The following NMNAT2 variants were observed in gnomAD, a reference collection of about 807,000 sequenced individuals.
NMNAT2 encodes nicotinamide/nicotinic acid mononucleotide adenylyltransferase 2.
NMNAT2 carries 11 observed loss-of-function variants against 41.6 expected under a neutral mutation model. The observed-to-expected ratio is 0.26, with a 90% confidence interval of 0.17 to 0.44. The LOEUF (loss-of-function observed/expected upper bound fraction) is 0.44. Among genes scored for constraint, NMNAT2 ranks in the 20% least tolerant of loss-of-function variants. The pLI is 1.00. For synonymous variants in NMNAT2, 148 were observed against 151.2 expected (o/e 0.98, Z 0.16); for missense variants, 288 against 407.7 (o/e 0.71, Z 2.53).
chr1:183,324,241 G>A (rs1447455919), intron 1 of NMNAT2, among the ~76,000 whole-genome samples: 1 of 152,186 alleles, frequency 6.6e-6, no homozygotes, highest in East Asian at 1.9e-4. Context: ...GGAATTTTGA[G>A]CACATCCGGA....
chr1:183,353,725 G>C (rs1298280834), intron 1 of NMNAT2, among the ~76,000 whole-genome samples: 1 of 152,152 alleles, frequency 6.6e-6, no homozygotes, highest in Non-Finnish European at 1.5e-5. Context: ...CGTATTGCTG[G>C]ATTGCTGGTC....
chr1:183,281,278 C>G (rs1449035318), intron 7 of NMNAT2, among the ~76,000 whole-genome samples: 1 of 152,064 alleles, frequency 6.6e-6, no homozygotes, highest in Non-Finnish European at 1.5e-5. Flanking sequence ...TGGGCAATGT[C>G]TGGACATTTT....
intron 8 of NMNAT2, among the ~76,000 whole-genome samples, chr1:183,271,751 A>C (rs549034058): frequency 6.6e-6 from 1 of 151,440 alleles, no homozygotes; most frequent in Non-Finnish European, 1.5e-5. Flanking sequence ...AATCAGAATT[A>C]TTTTTTTCTT....
intron 1 of NMNAT2, among the ~76,000 whole-genome samples, chr1:183,360,344 C>A (rs1399161185): frequency 3.3e-5 from 5 of 152,148 alleles, no homozygotes; most frequent in South Asian, 4.1e-4. Context: ...CCTACCTACA[C>A]CCCCGAGGGT....
chr1:183,330,413 C>T (rs1662556738), intron 1 of NMNAT2, among the ~76,000 whole-genome samples: 1 of 152,200 alleles, frequency 6.6e-6, no homozygotes, highest in African/African-American at 2.4e-5. Context: ...GACTGTGTTA[C>T]AAAAGCAGCC....
At chr1:183,299,896 C>T (rs1382709429) in intron 1 of NMNAT2, among the ~76,000 whole-genome samples, 1 of 152,152 alleles carries the variant, frequency 6.6e-6, no homozygotes, top group Non-Finnish European at 1.5e-5. Context: ...CGATATTCTA[C>T]TATAGTTATA....
chr1:183,409,881 C>T (rs1474904086), intron 1 of NMNAT2, among the ~76,000 whole-genome samples: 8 of 152,172 alleles, frequency 5.3e-5, no homozygotes, highest in Non-Finnish European at 7.3e-5. Flanking sequence ...TAGGCAAGAA[C>T]AACCTATCAG....
chr1:183,347,330 C>T (rs909022802), intron 1 of NMNAT2, among the ~76,000 whole-genome samples: 1 of 152,060 alleles, frequency 6.6e-6, no homozygotes, highest in Non-Finnish European at 1.5e-5. Context: ...GTGGTGCATG[C>T]CTGTAGTCCC....
At chr1:183,412,858 T>C (rs1053972427) in intron 1 of NMNAT2, among the ~76,000 whole-genome samples, 7 of 152,196 alleles carry the variant, frequency 4.6e-5, no homozygotes, top group Non-Finnish European at 8.8e-5. Flanking sequence ...TGGTAAATAT[T>C]AAATGAGGTC....
intron 1 of NMNAT2, among the ~76,000 whole-genome samples, chr1:183,407,711 A>G (rs1444016176): frequency 6.6e-6 from 1 of 152,228 alleles, no homozygotes; most frequent in Non-Finnish European, 1.5e-5. Flanking sequence ...AAGTGCTATC[A>G]ACGTTCAGAG....
intron 1 of NMNAT2, among the ~76,000 whole-genome samples, chr1:183,310,412 T>C (rs1490175636): frequency 6.6e-6 from 1 of 152,160 alleles, no homozygotes; most frequent in Non-Finnish European, 1.5e-5. Context: ...TGATATAAAA[T>C]CATAATTATT....
chr1:183,331,001 T>G (rs996977335), intron 1 of NMNAT2, among the ~76,000 whole-genome samples: 1 of 152,156 alleles, frequency 6.6e-6, no homozygotes, highest in African/African-American at 2.4e-5. Context: ...TTCATTTCTT[T>G]TTTTCTCTCT....
chr1:183,369,263 C>CTTTTTTTTTTTTTTTTTTTTTT (rs55925461), intron 1 of NMNAT2, among the ~76,000 whole-genome samples: 2 of 140,092 alleles, frequency 1.4e-5, no homozygotes, highest in East Asian at 2.1e-4. Flanking sequence ...CTTTTCTTTT[C>CTTTTTTTTTTTTTTTTTTTTTT]TTTTTTTTTT....
At position 183,291,604 on chromosome 1, in the gene NMNAT2, A is replaced by G. The variant is rs543034458; in HGVS notation, c.242+1186T>C. On this transcript the variant is annotated intron_variant, in intron 3 of 10. Transcript: ENST00000287713. ...TCAGTAGATAGTTGTGGAATGCATGAGGGAATTATTCCAGAATCTTCTAAG... is the reference window on the plus strand; with the variant it reads ...TCAGTAGATAGTTGTGGAATGCATGGGGGAATTATTCCAGAATCTTCTAAG... 4.8e-3 allele frequency among the ~76,000 whole-genome samples: 728 copies of G among 152,288 alleles called. 5 individuals are homozygous for G. Among genetic ancestry groups the G allele is most frequent in the Non-Finnish European group, 7.2e-3 (492 of 68,028 alleles).
chr1:183,304,528 T>C, intron 1 of NMNAT2: 1 of 694,488 alleles, frequency 1.4e-6, no homozygotes, highest in Admixed American at 2.6e-5. Context: ...ATCAGGCTGA[T>C]GTCCCTAAAC....
intron 1 of NMNAT2, among the ~76,000 whole-genome samples, chr1:183,326,853 C>T (rs1171120961): frequency 2.0e-5 from 3 of 152,014 alleles, no homozygotes; most frequent in African/African-American, 7.3e-5. Flanking sequence ...TGGGCTGAAA[C>T]TTTGACTCTG....
chr1:183,299,824 C>G (rs1049233205), intron 1 of NMNAT2, among the ~76,000 whole-genome samples: 1 of 152,102 alleles, frequency 6.6e-6, no homozygotes, highest in Non-Finnish European at 1.5e-5. Context: ...TAAATCTACC[C>G]TTTTGATAAG....
rs1030809098 is a variant in NMNAT2 at position 183,418,328 on chromosome 1, T to C, written c.-61A>G. 10 of 1,511,744 alleles carry C rather than the reference T, an allele frequency of 6.6e-6. No homozygotes were observed. The highest frequency in any genetic ancestry group is 9.2e-6 in the Non-Finnish European group (10 of 1,087,574). 93.6% of individuals were successfully genotyped at this position (1,511,744 alleles called of 1,614,324 possible). On this transcript the variant is annotated 5_prime_UTR_variant, in exon 1 of 11. Coordinates refer to ENST00000287713, the MANE Select transcript of NMNAT2 (RefSeq NM_015039.4). ...GCCTCTCTTTTTGTGTCTCGTTGTG[T>C]CTGCAGAGGGAGAAAGGAAGGCGAG...
intron 7 of NMNAT2, among the ~76,000 whole-genome samples, chr1:183,281,379 G>A (rs1443317349): frequency 6.6e-6 from 1 of 152,146 alleles, no homozygotes; most frequent in African/African-American, 2.4e-5. Context: ...ACAATGCACA[G>A]GGAAGCCCCC....
Sources: gnomAD v4.1 joint callset for allele counts (sites outside exome capture counted in the v4.1 genomes callset) on GRCh38, gnomAD v4.1.1 for gene constraint, MANE v1.5 for transcripts, NCBI Gene and HGNC (gene_info 2026-07-23, HGNC 2026-07-21) for gene names.